Variants in EPB41L1 observed in about 807,000 individuals in gnomAD.
The protein encoded by EPB41L1 is erythrocyte membrane protein band 4.1 like 1.
Under a neutral mutation model 97.8 loss-of-function variants are expected in EPB41L1, and 29 were observed. That is an observed-to-expected ratio of 0.30 (90% CI 0.22 to 0.40). The LOEUF (loss-of-function observed/expected upper bound fraction) is 0.40, where lower values mean the gene tolerates loss of function less well. Ranked by LOEUF, EPB41L1 falls within the 10% of genes least tolerant of loss-of-function variation. The probability of loss-of-function intolerance (pLI) is 1.00; values close to 1 mark genes in which losing one functional copy is unlikely to be tolerated. For synonymous variants in EPB41L1, 383 were observed against 459.2 expected, an observed-to-expected ratio of 0.83 and a Z score of 2.12; for missense variants, 812 against 1,162.3, an observed-to-expected ratio of 0.70 and a Z score of 4.38.
chr20:36,204,471 CTTTTTTTTTTTTT>C lies in EPB41L1; in HGVS notation c.1669-5003_1669-4991del, dbSNP rs765673962. On this transcript the variant is annotated intron_variant, in intron 14 of 21. Transcript: ENST00000338074. The stretch of plus-strand genomic sequence containing the variant: ...GGCCTAACAGTGCTGCGATCTGGTG[CTTTTTTTTTTTTT>C]TTTTTTTTTTTTTGAGATGGAGTTT... Among the ~76,000 whole-genome samples, 3 of 90,606 alleles carry C rather than the reference CTTTTTTTTTTTTT, an allele frequency of 3.3e-5. No individual in the cohort carries two copies. The East Asian group carries it at 8.4e-4, about 25-fold the overall frequency. 59.4% of individuals were successfully genotyped at this position (90,606 alleles called of 152,430 possible).
intron 14 of EPB41L1, chr20:36,201,118 T>A (rs1270961548): frequency 5.2e-6 from 2 of 381,206 alleles, no homozygotes; most frequent in African/African-American, 4.2e-5. Context: ...TAACCCATGC[T>A]GTCTCCATGC....
chr20:36,192,550 A>T (rs1039463278), intron 11 of EPB41L1, among the ~76,000 whole-genome samples: 2 of 151,822 alleles, frequency 1.3e-5, no homozygotes, highest in African/African-American at 2.4e-5. Flanking sequence ...AAAAAAAAAA[A>T]AAAAGGTGGA....
At chr20:36,111,945 C>T (rs2147597943) in intron 1 of EPB41L1, among the ~76,000 whole-genome samples, 1 of 152,258 alleles carries the variant, frequency 6.6e-6, no homozygotes, top group South Asian at 2.1e-4. Context: ...GTTGGGGCCC[C>T]TGCTCTCCCT....
At chr20:36,105,330 A>G (rs2058154757) in intron 1 of EPB41L1, among the ~76,000 whole-genome samples, 1 of 152,164 alleles carries the variant, frequency 6.6e-6, no homozygotes, top group South Asian at 2.1e-4. Context: ...GGAGGACTTC[A>G]GAGCCATGTC....
At chr20:36,160,912 CT>C (rs1405893797) in intron 1 of EPB41L1, among the ~76,000 whole-genome samples, 2 of 152,348 alleles carry the variant, frequency 1.3e-5, no homozygotes, top group Non-Finnish European at 2.9e-5. Context: ...GCCAGCCCCC[CT>C]GTTGATTGAC....
chr20:36,214,037 C>T (rs930317804), intron 16 of EPB41L1, among the ~76,000 whole-genome samples: 1 of 152,104 alleles, frequency 6.6e-6, no homozygotes, highest in Non-Finnish European at 1.5e-5. Context: ...AATTTCCTTG[C>T]TCATACTTCT....
At chr20:36,102,017 A>AAAACAAAAC (rs58424304) in intron 1 of EPB41L1, among the ~76,000 whole-genome samples, 28,732 of 148,800 alleles carry the variant, frequency 0.19, 2,983 homozygotes, top group Middle Eastern at 0.26. Flanking sequence ...AAAACAAAAC[A>AAAACAAAAC]AAACAAAACA....
intron 21 of EPB41L1, among the ~76,000 whole-genome samples, chr20:36,223,780 T>C (rs1181712247): frequency 1.3e-5 from 2 of 152,168 alleles, no homozygotes; most frequent in South Asian, 2.1e-4. Flanking sequence ...ACTGGAAATG[T>C]CACTATTTTC....
chr20:36,134,072 C>T (rs1228715248), intron 2 of EPB41L1, among the ~76,000 whole-genome samples: 1 of 152,068 alleles, frequency 6.6e-6, no homozygotes, highest in Non-Finnish European at 1.5e-5. Flanking sequence ...CCTCTGCCTC[C>T]ATTGTCTTTT....
chr20:36,134,009 G>C (rs2059322546), intron 2 of EPB41L1, among the ~76,000 whole-genome samples: 1 of 152,216 alleles, frequency 6.6e-6, no homozygotes, highest in East Asian at 1.9e-4. Context: ...AGTTGATAAA[G>C]TGACTCACCT....
intron 1 of EPB41L1, among the ~76,000 whole-genome samples, chr20:36,159,586 G>A (rs2060448648): frequency 6.6e-6 from 1 of 152,186 alleles, no homozygotes; most frequent in South Asian, 2.1e-4. Context: ...TCATTGTTTC[G>A]TCGCAGCATG....
At chr20:36,194,443 T>TG in intron 12 of EPB41L1, 83 bp downstream of exon 12, 2 of 1,517,910 alleles carry the variant, frequency 1.3e-6, no homozygotes, top group Non-Finnish European at 1.8e-6. Flanking sequence ...GACCTTCACA[T>TG]GCCTCCAGCT....
intron 3 of EPB41L1, among the ~76,000 whole-genome samples, chr20:36,177,587 G>T (rs1358652946): frequency 6.6e-6 from 1 of 152,160 alleles, no homozygotes; most frequent in African/African-American, 2.4e-5. Flanking sequence ...CACACCCAAA[G>T]CTTAGGACTT....
chr20:36,147,527 G>A (rs1387303661), intron 2 of EPB41L1, among the ~76,000 whole-genome samples: 1 of 152,240 alleles, frequency 6.6e-6, no homozygotes, highest in East Asian at 1.9e-4. Context: ...CCTTGGATGA[G>A]TGATTTAACT....
At position 36,175,672 on chromosome 20, in the gene EPB41L1, G is replaced by A. The variant is rs762263477; in HGVS notation, c.299G>A (p.Arg100Gln). Residue 100 changes from arginine to glutamine, a missense_variant, in exon 3 of 22, where the codon CGG becomes CAG. Coordinates refer to ENST00000338074, the MANE Select transcript of EPB41L1 (RefSeq NM_012156.2). ...IAKKYKSAICRVTLLDASEYE... is the reference protein window; with the variant it reads ...IAKKYKSAICQVTLLDASEYE... ...AAGAAATACAAGAGTGCCATCTGCCGGGTCACTCTGCTTGATGCCTCGGAG... is the reference window on the plus strand; with the variant it reads ...AAGAAATACAAGAGTGCCATCTGCCAGGTCACTCTGCTTGATGCCTCGGAG... 10 of 1,614,054 alleles carry A rather than the reference G, an allele frequency of 6.2e-6. No homozygotes were observed. The highest frequency in any genetic ancestry group is 3.3e-5 in the Admixed American group (2 of 60,016).
In EPB41L1 at chr20:36,185,346, G is replaced by A; in HGVS notation, c.785+11G>A. 1.9e-6 allele frequency: 3 copies of A among 1,609,218 alleles called. No individual in the cohort carries two copies. The highest frequency in any genetic ancestry group is 2.5e-6 in the Non-Finnish European group (3 of 1,178,822). On this transcript the variant is annotated intron_variant, in intron 7 of 21. Coordinates refer to ENST00000338074, the MANE Select transcript of EPB41L1 (RefSeq NM_012156.2). Reference sequence around the variant, plus strand: ...GCATAAGACATATAGGTAAGAGGGTGCCAGCCAGGGCCTTCTGTGGCTCCT... The same window carrying A: ...GCATAAGACATATAGGTAAGAGGGTACCAGCCAGGGCCTTCTGTGGCTCCT...
At chr20:36,095,434 C>A (rs935470034) in intron 1 of EPB41L1, among the ~76,000 whole-genome samples, 3 of 152,188 alleles carry the variant, frequency 2.0e-5, no homozygotes, top group Non-Finnish European at 2.9e-5. Flanking sequence ...CTTTAGCCAA[C>A]CCCTTCATGT....
At chr20:36,204,529 A>G (rs577009845) in intron 14 of EPB41L1, among the ~76,000 whole-genome samples, 2 of 124,608 alleles carry the variant, frequency 1.6e-5, no homozygotes, top group Admixed American at 2.3e-4. Context: ...TGCCCAGGCT[A>G]GATAGAGTGC....
At chr20:36,179,340 T>C (rs528745601) in intron 5 of EPB41L1, among the ~76,000 whole-genome samples, 1 of 152,262 alleles carries the variant, frequency 6.6e-6, no homozygotes, top group Non-Finnish European at 1.5e-5. Flanking sequence ...TGTCCAGGAA[T>C]GGTGTAGTCT....
Sources: allele counts gnomAD v4.1 joint callset (sites outside exome capture counted in the v4.1 genomes callset), GRCh38; gene constraint gnomAD v4.1.1; transcripts MANE v1.5; gene names NCBI Gene and HGNC (gene_info 2026-07-23, HGNC 2026-07-21).